The following CLVS1 variants were observed in gnomAD, a reference collection of about 807,000 sequenced individuals.
CLVS1 encodes clavesin 1.
A neutral mutation model predicts 33.1 loss-of-function variants in CLVS1; 10 were observed. The observed-to-expected ratio is 0.30, with a 90% CI of 0.19 to 0.51. The LOEUF is 0.51. Among genes scored for constraint, CLVS1 ranks in the 20% least tolerant of loss-of-function variants. CLVS1 has a pLI of 0.97. For missense variants in CLVS1, 343 were observed against 433.4 expected (o/e 0.79, Z 1.85); for synonymous variants, 163 against 166.1 (o/e 0.98, Z 0.14).
intron 2 of CLVS1, among the ~76,000 whole-genome samples, chr8:61,188,944 T>C (rs1258460175): frequency 6.6e-6 from 1 of 152,084 alleles, no homozygotes; most frequent in Admixed American, 6.6e-5. Context: ...ATTTGCAGAA[T>C]ACCAAGAAAT....
chr8:61,175,060 C>T (rs767312522), intron 2 of CLVS1, among the ~76,000 whole-genome samples: 8 of 152,182 alleles, frequency 5.3e-5, no homozygotes, highest in Admixed American at 1.3e-4. Context: ...AGTGACTCTA[C>T]TTAGTAAGTC....
At chr8:61,035,857 T>C in the CLVS1 span, among the ~76,000 whole-genome samples, 1 of 152,222 alleles carries the variant, frequency 6.6e-6, no homozygotes, top group African/African-American at 2.4e-5. Context: ...ACATACAAAC[T>C]GGTTTAACTT....
intron 5 of CLVS1, among the ~76,000 whole-genome samples, chr8:61,487,061 G>A (rs1255730573): frequency 6.6e-6 from 1 of 152,082 alleles, no homozygotes; most frequent in African/African-American, 2.4e-5. Context: ...ACAAAGCACC[G>A]AGATCTTGTT....
the CLVS1 span, among the ~76,000 whole-genome samples, chr8:61,046,582 T>G: frequency 1.3e-5 from 2 of 149,802 alleles, no homozygotes; most frequent in Non-Finnish European, 3.0e-5. Flanking sequence ...CCTTGGGCAG[T>G]ATGGCCATTT....
intron 2 of CLVS1, among the ~76,000 whole-genome samples, chr8:61,367,356 C>G (rs1039275429): frequency 1.1e-4 from 17 of 152,146 alleles, no homozygotes; most frequent in African/African-American, 4.1e-4. Flanking sequence ...ACTTTGCATT[C>G]CTTCAATACA....
chr8:61,283,166 C>G (rs562013537), upstream of CLVS1, among the ~76,000 whole-genome samples: 1 of 152,322 alleles, frequency 6.6e-6, no homozygotes, highest in African/African-American at 2.4e-5. Flanking sequence ...CTCAGCCTTT[C>G]TAATATCAGT....
chr8:61,037,248 G>A, the CLVS1 span, among the ~76,000 whole-genome samples: 1 of 151,994 alleles, frequency 6.6e-6, no homozygotes, highest in East Asian at 1.9e-4. Context: ...CAATTAATGG[G>A]TACTGAATCT....
intron 2 of CLVS1, among the ~76,000 whole-genome samples, chr8:61,182,854 T>G (rs1327702241): frequency 1.3e-5 from 2 of 151,396 alleles, no homozygotes; most frequent in Non-Finnish European, 3.0e-5. Flanking sequence ...ACATGTATGT[T>G]TATTGCAGCA....
At chr8:61,471,928 GC>G (rs1447020797) in intron 5 of CLVS1, among the ~76,000 whole-genome samples, 1 of 152,112 alleles carries the variant, frequency 6.6e-6, no homozygotes, top group Non-Finnish European at 1.5e-5. Context: ...CCTCCTGCAG[GC>G]CCCTCCCGGG....
intron 2 of CLVS1, among the ~76,000 whole-genome samples, chr8:61,271,339 T>G (rs989256404): frequency 6.6e-6 from 1 of 151,032 alleles, no homozygotes; most frequent in Admixed American, 6.6e-5. Flanking sequence ...GTGAGATTCT[T>G]AATCCTGAGT....
At chr8:61,245,000 A>T (rs1213312952) in intron 2 of CLVS1, among the ~76,000 whole-genome samples, 1 of 152,164 alleles carries the variant, frequency 6.6e-6, no homozygotes, top group Non-Finnish European at 1.5e-5. Flanking sequence ...TGCATAAATA[A>T]TCAGAATTTT....
At chr8:61,404,057 A>G (rs1354646658) in intron 3 of CLVS1, among the ~76,000 whole-genome samples, 1 of 152,190 alleles carries the variant, frequency 6.6e-6, no homozygotes, top group Admixed American at 6.5e-5. Flanking sequence ...TGTGAGTGTG[A>G]GCAGAACCCT....
chr8:61,403,766 G>T (rs761982465), intron 3 of CLVS1, among the ~76,000 whole-genome samples: 2 of 152,134 alleles, frequency 1.3e-5, no homozygotes, highest in Non-Finnish European at 2.9e-5. Flanking sequence ...TATTCCAAGT[G>T]GAAGACTTCA....
the CLVS1 span, among the ~76,000 whole-genome samples, chr8:60,990,856 C>T: frequency 6.6e-6 from 1 of 151,942 alleles, no homozygotes; most frequent in East Asian, 1.9e-4. Flanking sequence ...TTACAGGCAC[C>T]CACCACCACG....
At chr8:61,242,077 C>A (rs759440913) in intron 2 of CLVS1, among the ~76,000 whole-genome samples, 2 of 151,600 alleles carry the variant, frequency 1.3e-5, no homozygotes, top group African/African-American at 2.4e-5. Flanking sequence ...TAAAGATTTT[C>A]TACCCATCTT....
At chr8:61,103,342 A>G (rs1805483560) in intron 1 of CLVS1, among the ~76,000 whole-genome samples, 1 of 152,218 alleles carries the variant, frequency 6.6e-6, no homozygotes, top group Admixed American at 6.5e-5. Flanking sequence ...AAAAGTAGGC[A>G]TGAAGATTAT....
chr8:61,236,079 T>TTG (rs1292495221), intron 2 of CLVS1, among the ~76,000 whole-genome samples: 2 of 152,178 alleles, frequency 1.3e-5, no homozygotes, highest in Non-Finnish European at 2.9e-5. Context: ...GAAAGCAAAG[T>TTG]CTGCCAGTAA....
intron 2 of CLVS1, among the ~76,000 whole-genome samples, chr8:61,201,358 G>A (rs1175066974): frequency 1.3e-5 from 2 of 152,044 alleles, no homozygotes; most frequent in African/African-American, 4.8e-5. Flanking sequence ...ATGAAGAAGG[G>A]GAAATGCATT....
chr8:61,255,675 C>T (rs1367663469), intron 2 of CLVS1, among the ~76,000 whole-genome samples: 1 of 152,118 alleles, frequency 6.6e-6, no homozygotes, highest in East Asian at 1.9e-4. Context: ...TTTCAAGCAA[C>T]ACAATAGAGG....
Sources: allele counts gnomAD v4.1 joint callset (sites outside exome capture counted in the v4.1 genomes callset), GRCh38; gene constraint gnomAD v4.1.1; transcripts MANE v1.5; gene names NCBI Gene and HGNC (gene_info 2026-07-23, HGNC 2026-07-21).